The following PCDH7 variants were observed in gnomAD, a reference collection of about 807,000 sequenced individuals.
PCDH7 encodes the protein protocadherin 7.
A neutral mutation model predicts 58.9 loss-of-function variants in PCDH7; 17 were observed. That is an observed-to-expected ratio of 0.29 (90% CI 0.20 to 0.43). The LOEUF is 0.43. Ranked by LOEUF, PCDH7 falls within the 20% of genes least tolerant of loss-of-function variation. The pLI, the probability that PCDH7 is intolerant of heterozygous loss-of-function variation, is 1.00. For synonymous variants in PCDH7, 664 were observed against 616.4 expected (o/e 1.08, Z -1.14); for missense variants, 1,274 against 1,441.0 (o/e 0.88, Z 1.88).
chr4:30,981,792 A>AT (rs1372572258), intron 3 of PCDH7, among the ~76,000 whole-genome samples: 4 of 152,148 alleles, frequency 2.6e-5, no homozygotes, highest in Non-Finnish European at 4.4e-5. Flanking sequence ...TATATCACTG[A>AT]TTTTTTCTTT....
At chr4:30,765,124 G>GTTTTTTTTTTTT (rs1242502475) in intron 1 of PCDH7, among the ~76,000 whole-genome samples, 11 of 36,022 alleles carry the variant, frequency 3.1e-4, no homozygotes, top group East Asian at 1.0e-3. Context: ...GACTTCAGAT[G>GTTTTTTTTTTTT]CTTTTTTTTT....
chr4:31,064,707 A>G (rs969995809), intron 3 of PCDH7, among the ~76,000 whole-genome samples: 1 of 151,882 alleles, frequency 6.6e-6, no homozygotes, highest in Non-Finnish European at 1.5e-5. Flanking sequence ...TGCAATAGTC[A>G]TATTGGACCC....
chr4:31,049,760 G>T (rs988470439), intron 3 of PCDH7, among the ~76,000 whole-genome samples: 1 of 151,982 alleles, frequency 6.6e-6, no homozygotes, highest in Non-Finnish European at 1.5e-5. Flanking sequence ...TTAAAATATA[G>T]TACCTGATAG....
chr4:30,850,882 C>T (rs1453840415), intron 1 of PCDH7, among the ~76,000 whole-genome samples: 1 of 152,080 alleles, frequency 6.6e-6, no homozygotes, highest in Non-Finnish European at 1.5e-5. Flanking sequence ...CTTCGGATAC[C>T]AGGCTGATCC....
intron 1 of PCDH7, among the ~76,000 whole-genome samples, chr4:30,878,039 A>G (rs1472136818): frequency 6.6e-6 from 1 of 152,136 alleles, no homozygotes; most frequent in Admixed American, 6.6e-5. Context: ...GAAGAGCAGC[A>G]AATACTGGAT....
At chr4:31,069,041 CTGTGTGTGTGCG>C (rs1758325823) in intron 3 of PCDH7, among the ~76,000 whole-genome samples, 1 of 151,758 alleles carries the variant, frequency 6.6e-6, no homozygotes, top group East Asian at 1.9e-4. Context: ...TTCTTAATAT[CTGTGTGTGTGCG>C]TGTGTGTGTG....
chr4:30,972,418 G>A (rs901369292), intron 3 of PCDH7, among the ~76,000 whole-genome samples: 4 of 152,048 alleles, frequency 2.6e-5, no homozygotes, highest in Admixed American at 2.0e-4. Context: ...TAAGACAAAG[G>A]TTATAAATGG....
chr4:31,039,921 T>C (rs1242166524), intron 3 of PCDH7, among the ~76,000 whole-genome samples: 2 of 152,126 alleles, frequency 1.3e-5, no homozygotes, highest in Non-Finnish European at 2.9e-5. Context: ...ACTAAGATTG[T>C]TCTCCCCTCA....
intron 1 of PCDH7, among the ~76,000 whole-genome samples, chr4:30,870,207 G>A (rs1735396874): frequency 6.6e-6 from 1 of 152,028 alleles, no homozygotes; most frequent in African/African-American, 2.4e-5. Context: ...TGGATAGAAT[G>A]CAAAAATTTT....
At chr4:30,942,326 A>C (rs995355825) in intron 2 of PCDH7, among the ~76,000 whole-genome samples, 13 of 151,986 alleles carry the variant, frequency 8.6e-5, no homozygotes, top group African/African-American at 2.9e-4. Context: ...AGTATAAAAC[A>C]TACTGTATAA....
At chr4:31,130,091 C>T (rs1718794830) in intron 3 of PCDH7, among the ~76,000 whole-genome samples, 1 of 152,134 alleles carries the variant, frequency 6.6e-6, no homozygotes, top group Non-Finnish European at 1.5e-5. Context: ...GCCCTGGTAC[C>T]TGACACTGCT....
chr4:30,724,637 G>A (rs569246099), intron 1 of PCDH7, 41 bp downstream of exon 1: 1 of 1,595,958 alleles, frequency 6.3e-7, no homozygotes, highest in Non-Finnish European at 8.6e-7. Flanking sequence ...CCCAGGGAGG[G>A]CTAATAACTC....
chr4:31,094,738 A>G (rs1160980982), intron 3 of PCDH7, among the ~76,000 whole-genome samples: 1 of 152,100 alleles, frequency 6.6e-6, no homozygotes, highest in East Asian at 1.9e-4. Flanking sequence ...AAAATTGTAC[A>G]GTTTAGCTGA....
intron 3 of PCDH7, among the ~76,000 whole-genome samples, chr4:31,059,178 A>G (rs1757486405): frequency 6.6e-6 from 1 of 151,898 alleles, no homozygotes; most frequent in Non-Finnish European, 1.5e-5. Context: ...TTTGAAGTGT[A>G]TATTTATATT....
At chr4:30,976,255 C>T (rs1021038003) in intron 3 of PCDH7, among the ~76,000 whole-genome samples, 8 of 151,984 alleles carry the variant, frequency 5.3e-5, no homozygotes, top group African/African-American at 2.4e-5. Context: ...CCACACCTGG[C>T]TAATTTTGTA....
At chr4:30,859,692 GAC>G (rs1369917021) in intron 1 of PCDH7, among the ~76,000 whole-genome samples, 1 of 151,932 alleles carries the variant, frequency 6.6e-6, no homozygotes, top group Non-Finnish European at 1.5e-5. Flanking sequence ...CACCAGCCTC[GAC>G]CCCGCAAAGT....
intron 2 of PCDH7, among the ~76,000 whole-genome samples, chr4:30,926,351 A>AT (rs1743873119): frequency 6.6e-6 from 1 of 152,072 alleles, no homozygotes; most frequent in African/African-American, 2.4e-5. Flanking sequence ...CACTCGGCTA[A>AT]TTTTTTGTAT....
At chr4:30,915,923 C>G (rs1742412884) in intron 1 of PCDH7, among the ~76,000 whole-genome samples, 1 of 152,116 alleles carries the variant, frequency 6.6e-6, no homozygotes, top group South Asian at 2.1e-4. Flanking sequence ...TTTTAGAGAT[C>G]TCAACCAACA....
intron 3 of PCDH7, among the ~76,000 whole-genome samples, chr4:31,071,469 G>A (rs193025614): frequency 8.3e-4 from 126 of 152,068 alleles, no homozygotes; most frequent in East Asian, 6.4e-3. Context: ...ACTGAATAAC[G>A]TTGAACATAT....
Sources: gnomAD v4.1 joint callset for allele counts (sites outside exome capture counted in the v4.1 genomes callset) on GRCh38, gnomAD v4.1.1 for gene constraint, MANE v1.5 for transcripts, NCBI Gene and HGNC (gene_info 2026-07-23, HGNC 2026-07-21) for gene names.